RIF1: variants seen among roughly 807,000 people sequenced by gnomAD.
RIF1 encodes the protein telomere-associated protein RIF1.
Under a neutral mutation model 247.1 loss-of-function variants are expected in RIF1, and 45 were observed. The observed-to-expected ratio is 0.18, with a 90% CI of 0.14 to 0.23. RIF1 has a LOEUF of 0.23. RIF1 is among the 10% of genes least tolerant of loss of function. The pLI, the probability that RIF1 is intolerant of heterozygous loss-of-function variation, is 1.00. For missense variants in RIF1, 2,967 were observed against 2,862.5 expected (o/e 1.04, Z -0.83); for synonymous variants, 1,087 against 978.8 (o/e 1.11, Z -2.06).
intron 20 of RIF1, among the ~76,000 whole-genome samples, chr2:151,448,897 G>A (rs1264935061): frequency 4.6e-5 from 7 of 152,056 alleles, no homozygotes. Context: ...TCTTAGTTAG[G>A]CTTTCTCCCT....
At chr2:151,514,526 G>A in the RIF1 span, 10 of 975,480 alleles carry the variant, frequency 1.0e-5, no homozygotes, top group African/African-American at 1.6e-4. Flanking sequence ...TTTTTAAAGG[G>A]TTCACAGTTT....
chr2:151,501,015 C>G (rs906943880), intron 11 of RIF1, among the ~76,000 whole-genome samples: 2 of 152,152 alleles, frequency 1.3e-5, no homozygotes, highest in East Asian at 3.8e-4. Flanking sequence ...GCCACCATTT[C>G]TATATGTGGC....
intron 16 of RIF1, 33 bp downstream of exon 16, chr2:151,442,024 G>A (rs753600991): frequency 4.3e-6 from 3 of 696,972 alleles, no homozygotes; most frequent in Admixed American, 6.1e-5. Context: ...GATGAAGATT[G>A]GCCAAAAACA....
At position 151,457,879 on chromosome 2, in the gene RIF1, A is replaced by G. The variant is rs1164735299; in HGVS notation, c.2771A>G (p.Asn924Ser). 3.1e-6 allele frequency: 5 copies of G among 1,613,916 alleles called. No homozygotes were observed. The highest frequency in any genetic ancestry group is 3.4e-6 in the Non-Finnish European group (4 of 1,179,860). ...PLLCIIFLHK[N>S]KQIRKQSAQF... is the part of the protein sequence containing the mutation. The stretch of plus-strand genomic sequence containing the variant: ...TTATGCATAATATTTCTGCACAAGA[A>G]TAAACAGATTCGAAAACAGAGTGCT... Residue 924 changes from asparagine (N) to serine (S), a missense_variant, in exon 24 of 36, where the codon AAT becomes AGT. Asn to Ser is a conservative substitution (Grantham distance 46). Around this residue, in one of 7 missense-constraint regions of RIF1, gnomAD observed 2,028 missense variants for 1,825.6 expected, o/e 1.11. Transcript: ENST00000444746.
chr2:151,494,320 T>C, intron 9 of RIF1: 1 of 1,076,104 alleles, frequency 9.3e-7, no homozygotes, highest in South Asian at 1.4e-5. Flanking sequence ...AAAAAGGAAA[T>C]GGTACAGATA....
At chr2:151,418,151 AC>A (rs1417972798) in intron 6 of RIF1, among the ~76,000 whole-genome samples, 1 of 152,208 alleles carries the variant, frequency 6.6e-6, no homozygotes, top group African/African-American at 2.4e-5. Flanking sequence ...AAGACTGTAC[AC>A]TTAGGCTATA....
rs1048605380 is a variant in RIF1, at chr2:151,467,229, AAG to A, written c.6601-769_6601-768del. 5.3e-5 allele frequency among the ~76,000 whole-genome samples: 8 copies of A among 152,284 alleles called. No homozygotes were observed. In the East Asian group the frequency reaches 1.2e-3, roughly 22 times the overall value. On this transcript the variant is annotated intron_variant, in intron 30 of 35. Transcript: ENST00000444746. ...GGCGACAGAGCGAGACTCTCAAAAA[AAG>A]AAAAAAAAATGTTCTTTCAAAATCC...
intron 30 of RIF1, among the ~76,000 whole-genome samples, chr2:151,467,424 A>G (rs1195823383): frequency 6.6e-6 from 1 of 151,866 alleles, no homozygotes; most frequent in African/African-American, 2.4e-5. Context: ...GGCTCACTGC[A>G]TGCTCTGCCT....
the RIF1 span, among the ~76,000 whole-genome samples, chr2:151,522,871 G>A: frequency 6.6e-6 from 1 of 152,120 alleles, no homozygotes; most frequent in Non-Finnish European, 1.5e-5. Flanking sequence ...GTCAGAACAG[G>A]GAAAGCCCAC....
chr2:151,425,660 C>CTTTTTTTTTTTTTTTTTTTTTTTTTT, intron 8 of RIF1, among the ~76,000 whole-genome samples: 1 of 83,688 alleles, frequency 1.2e-5, no homozygotes, highest in Non-Finnish European at 2.1e-5. Flanking sequence ...TTGTGGTACC[C>CTTTTTTTTTTTTTTTTTTTTTTTTTT]TTTTTTTTTT....
chr2:151,509,618 T>A (rs576901009), downstream of RIF1, among the ~76,000 whole-genome samples: 1 of 152,238 alleles, frequency 6.6e-6, no homozygotes, highest in East Asian at 1.9e-4. Context: ...GAGAGGTTTT[T>A]TTTTTGTTTG....
intron 19 of RIF1, among the ~76,000 whole-genome samples, chr2:151,445,700 A>G (rs1273301923): frequency 6.6e-6 from 1 of 151,986 alleles, no homozygotes; most frequent in Non-Finnish European, 1.5e-5. Context: ...GGACCATGCC[A>G]CTGCGCCCAG....
At chr2:151,507,112 T>C in intron 13 of RIF1, 1 of 741,840 alleles carries the variant, frequency 1.3e-6, no homozygotes, top group African/African-American at 1.8e-5. Flanking sequence ...CCTGTATCTT[T>C]AAAAAAAAGT....
At chr2:151,437,866 C>T (rs1691541101) in intron 13 of RIF1, among the ~76,000 whole-genome samples, 1 of 152,176 alleles carries the variant, frequency 6.6e-6, no homozygotes, top group Non-Finnish European at 1.5e-5. Context: ...TATGCAGAGT[C>T]ACTTACGAGT....
At position 151,433,240 on chromosome 2, in the gene RIF1, A is replaced by G. The variant is rs533400710; in HGVS notation, c.1077+12A>G. 6.2e-7 allele frequency: 1 copy of G among 1,601,318 alleles called. No individual in the cohort carries two copies. Among genetic ancestry groups the G allele is most frequent in the African/African-American group, 1.3e-5 (1 of 74,746 alleles). On this transcript the variant is annotated intron_variant, in intron 10 of 35. Coordinates refer to ENST00000444746, the MANE Select transcript of RIF1 (RefSeq NM_018151.5). ...CTAATTTTGAACAGGTAACATTACAAGTGTTGACTATAGCACTTTATGTTT... is the reference window on the plus strand; with the variant it reads ...CTAATTTTGAACAGGTAACATTACAGGTGTTGACTATAGCACTTTATGTTT...
the RIF1 span, chr2:151,534,338 ATAT>A: frequency 4.4e-6 from 7 of 1,596,770 alleles, no homozygotes; most frequent in Non-Finnish European, 6.0e-6. Context: ...ACATCATAGC[ATAT>A]TATAGCAAGA....
At chr2:151,413,567 C>T (rs1416575130) in intron 3 of RIF1, among the ~76,000 whole-genome samples, 1 of 152,154 alleles carries the variant, frequency 6.6e-6, no homozygotes, top group African/African-American at 2.4e-5. Flanking sequence ...GACACATCAT[C>T]GTTAAGGAAC....
At chr2:151,518,998 A>G in the RIF1 span, 1 of 1,613,632 alleles carries the variant, frequency 6.2e-7, no homozygotes, top group African/African-American at 1.3e-5. Context: ...TCAGGACATG[A>G]TTCATGATCA....
At chr2:151,429,075 A>G (rs967161449) in intron 9 of RIF1, among the ~76,000 whole-genome samples, 153 bp downstream of exon 9, 1 of 152,238 alleles carries the variant, frequency 6.6e-6, no homozygotes, top group Non-Finnish European at 1.5e-5. Context: ...ATTTGTACTG[A>G]AAATAGAATT....
Sources: gnomAD v4.1 joint callset for allele counts (sites outside exome capture counted in the v4.1 genomes callset) on GRCh38, gnomAD v4.1.1 for gene constraint, gnomAD v4.1.1 regional missense constraint, MANE v1.5 for transcripts, NCBI Gene and HGNC (gene_info 2026-07-23, HGNC 2026-07-21) for gene names.